Variants in DLGAP2 observed in about 807,000 individuals in gnomAD.
The protein encoded by DLGAP2 is disks large-associated protein 2.
Under a neutral mutation model 100.3 loss-of-function variants are expected in DLGAP2, and 26 were observed. That is an observed-to-expected ratio of 0.26 (90% CI 0.19 to 0.36). The LOEUF is 0.36. Among genes scored for constraint, DLGAP2 ranks in the 10% least tolerant of loss-of-function variants. The pLI is 1.00. For missense variants in DLGAP2, 1,858 were observed against 1,453.2 expected (o/e 1.28, Z -4.53); for synonymous variants, 886 against 630.1 (o/e 1.41, Z -6.08).
At chr8:862,840 G>A (rs546466341) in intron 1 of DLGAP2, among the ~76,000 whole-genome samples, 2 of 152,276 alleles carry the variant, frequency 1.3e-5, no homozygotes, top group Non-Finnish European at 2.9e-5. Context: ...ATGGGACTGT[G>A]GGAGGTCTCT....
intron 6 of DLGAP2, among the ~76,000 whole-genome samples, chr8:1,568,319 A>G (rs1802494818): frequency 2.9e-5 from 2 of 69,592 alleles, no homozygotes; most frequent in South Asian, 7.5e-4. Flanking sequence ...GCCACTGTCC[A>G]CTCAGCAGAC....
intron 2 of DLGAP2, among the ~76,000 whole-genome samples, chr8:1,193,022 A>T (rs7014490): frequency 0.2 from 29,852 of 152,020 alleles, 2,940 homozygotes; most frequent in East Asian, 0.23. Flanking sequence ...TTATGGCTGC[A>T]TAGTATTCCA....
chr8:906,627 C>A (rs1798386375), intron 1 of DLGAP2, among the ~76,000 whole-genome samples: 2 of 152,168 alleles, frequency 1.3e-5, no homozygotes, highest in Non-Finnish European at 2.9e-5. Context: ...TCAGACTGCA[C>A]TGATGAAAAA....
intron 3 of DLGAP2, among the ~76,000 whole-genome samples, chr8:1,317,479 C>T (rs933113828): frequency 1.4e-5 from 2 of 142,286 alleles, no homozygotes; most frequent in Non-Finnish European, 3.0e-5. Context: ...AGCGTCTCTC[C>T]AACAGTGGTC....
intron 3 of DLGAP2, among the ~76,000 whole-genome samples, chr8:1,455,217 G>A (rs1798275581): frequency 6.6e-6 from 1 of 152,240 alleles, no homozygotes; most frequent in African/African-American, 2.4e-5. Flanking sequence ...AGGTCACAGC[G>A]CTCCACGTGG....
At chr8:1,503,741 A>G (rs894088547) in intron 4 of DLGAP2, among the ~76,000 whole-genome samples, 3 of 152,092 alleles carry the variant, frequency 2.0e-5, no homozygotes, top group African/African-American at 7.2e-5. Flanking sequence ...CAGTCTTGCC[A>G]TGGGGTGGGG....
chr8:1,328,423 A>G (rs946435040), intron 3 of DLGAP2, among the ~76,000 whole-genome samples: 3 of 152,090 alleles, frequency 2.0e-5, no homozygotes, highest in South Asian at 2.1e-4. Flanking sequence ...GGTTCAGGCT[A>G]TTCTCCTGCC....
chr8:958,818 C>T (rs1207976648), intron 2 of DLGAP2, among the ~76,000 whole-genome samples: 1 of 152,052 alleles, frequency 6.6e-6, no homozygotes, highest in African/African-American at 2.4e-5. Context: ...AGAATGGGAG[C>T]AGGATCTACA....
intron 1 of DLGAP2, among the ~76,000 whole-genome samples, chr8:813,995 A>C (rs1796418529): frequency 6.6e-6 from 1 of 152,174 alleles, no homozygotes; most frequent in African/African-American, 2.4e-5. Flanking sequence ...AAACATACTG[A>C]ATTTTAATTT....
At chr8:1,093,296 C>T (rs1804246833) in intron 2 of DLGAP2, among the ~76,000 whole-genome samples, 1 of 146,090 alleles carries the variant, frequency 6.8e-6, no homozygotes, top group Non-Finnish European at 1.5e-5. Flanking sequence ...AACACCTTCA[C>T]ACTGACAGTC....
At chr8:1,493,669 C>T (rs1318295600) in intron 3 of DLGAP2, among the ~76,000 whole-genome samples, 1 of 152,146 alleles carries the variant, frequency 6.6e-6, no homozygotes, top group African/African-American at 2.4e-5. Flanking sequence ...AACGTCCTAT[C>T]GGCAATGAAA....
chr8:1,424,205 G>T (rs1353257573), intron 3 of DLGAP2, among the ~76,000 whole-genome samples: 5 of 152,232 alleles, frequency 3.3e-5, no homozygotes, highest in Non-Finnish European at 7.3e-5. Context: ...TAGAAATTCA[G>T]CTAGTCTTAA....
At chr8:1,505,162 AATG>A (rs1220981802) in intron 4 of DLGAP2, among the ~76,000 whole-genome samples, 1 of 152,194 alleles carries the variant, frequency 6.6e-6, no homozygotes. Flanking sequence ...GAGAGGGTTA[AATG>A]ATGATTTTTA....
chr8:1,471,835 C>A (rs562942944), intron 3 of DLGAP2, among the ~76,000 whole-genome samples: 1 of 152,178 alleles, frequency 6.6e-6, no homozygotes, highest in East Asian at 1.9e-4. Flanking sequence ...CTCTCCAAGT[C>A]TTCTTTTCTT....
intron 2 of DLGAP2, among the ~76,000 whole-genome samples, chr8:1,036,690 A>G (rs948688606): frequency 1.3e-5 from 2 of 152,066 alleles, no homozygotes; most frequent in Non-Finnish European, 2.9e-5. Flanking sequence ...TGTCGTGTAC[A>G]TGGCAGGGAG....
intron 2 of DLGAP2, among the ~76,000 whole-genome samples, chr8:1,136,398 G>T (rs540597727): frequency 6.6e-6 from 1 of 152,334 alleles, no homozygotes; most frequent in South Asian, 2.1e-4. Context: ...GAAGGGAGTG[G>T]GAACACAGCT....
chr8:1,504,800 C>T (rs561605253), intron 4 of DLGAP2, among the ~76,000 whole-genome samples: 4 of 152,258 alleles, frequency 2.6e-5, no homozygotes, highest in South Asian at 2.1e-4. Flanking sequence ...GTTGGTTCTG[C>T]GTGTTGGCTG....
intron 2 of DLGAP2, among the ~76,000 whole-genome samples, chr8:1,097,723 C>T (rs1257958563): frequency 7.3e-6 from 1 of 137,190 alleles, no homozygotes; most frequent in Non-Finnish European, 1.6e-5. Flanking sequence ...GCTCCCTCTG[C>T]TCAGGAGAGT....
At chr8:1,234,202 C>G (rs1228482204) in intron 2 of DLGAP2, among the ~76,000 whole-genome samples, 1 of 152,246 alleles carries the variant, frequency 6.6e-6, no homozygotes, top group African/African-American at 2.4e-5. Context: ...GGTGGTGCAC[C>G]TGTCTGCTGG....
Sources: gnomAD v4.1 joint callset for allele counts (sites outside exome capture counted in the v4.1 genomes callset) on GRCh38, gnomAD v4.1.1 for gene constraint, MANE v1.5 for transcripts, NCBI Gene and HGNC (gene_info 2026-07-23, HGNC 2026-07-21) for gene names.